Variants in ERN1 observed in about 807,000 individuals in gnomAD.
ERN1 encodes the protein serine/threonine-protein kinase/endoribonuclease IRE1.
A neutral mutation model predicts 113.1 loss-of-function variants in ERN1; 39 were observed. The ratio of observed to expected loss-of-function variants is 0.34; its 90% CI spans 0.27 to 0.45. The LOEUF (loss-of-function observed/expected upper bound fraction) is 0.45, where lower values mean the gene tolerates loss of function less well. Ranked by LOEUF, ERN1 falls within the 20% of genes least tolerant of loss-of-function variation. The probability of loss-of-function intolerance (pLI) is 1.00; values close to 1 mark genes in which losing one functional copy is unlikely to be tolerated. For missense variants in ERN1, 976 were observed against 1,274.8 expected (o/e 0.77, Z 3.57); for synonymous variants, 507 against 515.9 (o/e 0.98, Z 0.23).
intron 1 of ERN1, among the ~76,000 whole-genome samples, chr17:64,117,698 G>A (rs1914846745): frequency 6.6e-6 from 1 of 152,086 alleles, no homozygotes; most frequent in African/African-American, 2.4e-5. Context: ...AGTGGTCAGG[G>A]AAGGCCCTAG....
chr17:64,097,969 G>A (rs1914274274), intron 2 of ERN1, 152 bp downstream of exon 2: 1 of 966,344 alleles, frequency 1.0e-6, no homozygotes. Context: ...CGTCCTTTGA[G>A]CAGAATGCCT....
rs201095170 is a variant in ERN1 at position 64,053,303 on chromosome 17, C to G, written c.2022G>C (p.Ser674=). 11 of 1,611,282 alleles carry G rather than the reference C, an allele frequency of 6.8e-6. No homozygotes were observed. The highest frequency in any genetic ancestry group is 6.8e-6 in the Non-Finnish European group (8 of 1,179,168). Residue 674 remains serine (S), a synonymous_variant, in exon 16 of 22, where the codon TCG becomes TCC. Coordinates refer to ENST00000433197, the MANE Select transcript of ERN1 (RefSeq NM_001433.5). ...EPITLLQQTT[S]GLAHLHSLNI... ...TGAGGGAGTGGAGGTGGGCCAGGCC[C>G]GAGGTGGTCTGCTGCAGCAAGGTGA...
chr17:64,063,661 G>C lies in ERN1; in HGVS notation c.1087+325C>G, dbSNP rs531466511. ...TTAACTATAAAATGGAAATGACAAG[G>C]GTACCTACCTCACACAGGGTTGCTG... is the stretch of plus-strand genomic sequence containing the variant. On this transcript the variant is annotated intron_variant, in intron 10 of 21. Transcript: ENST00000433197. This position sits in a 1 kb window ranked among gnomAD's most constrained non-coding sequence, Gnocchi z 5.1. Among the ~76,000 whole-genome samples, 1 of 152,228 alleles carries C rather than the reference G, an allele frequency of 6.6e-6. No individual in the cohort carries two copies. The highest frequency in any genetic ancestry group is 2.1e-4 in the South Asian group (1 of 4,814).
chr17:64,095,955 T>G (rs73992924), intron 2 of ERN1, among the ~76,000 whole-genome samples: 7,770 of 152,228 alleles, frequency 0.051, 624 homozygotes, highest in African/African-American at 0.18. Context: ...CACAGCACAT[T>G]ACTAGTCCCT....
chr17:64,053,137 C>G (rs1912741131), intron 16 of ERN1, 135 bp downstream of exon 16: 3 of 911,678 alleles, frequency 3.3e-6, no homozygotes, highest in Non-Finnish European at 4.9e-6. Context: ...ATTCTTACAC[C>G]ACTCATCTTT....
chr17:64,042,259 G>A lies in ERN1; in HGVS notation c.*1729C>T, dbSNP rs1912364362. On this transcript the variant is annotated 3_prime_UTR_variant, in exon 22 of 22. Coordinates refer to ENST00000433197, the MANE Select transcript of ERN1 (RefSeq NM_001433.5). ...AGAAGACGCCAAGGACACCGACCAAGGGCCAAGGTTCCAAGGCCTAAGTGA... is the reference window on the plus strand; with the variant it reads ...AGAAGACGCCAAGGACACCGACCAAAGGCCAAGGTTCCAAGGCCTAAGTGA... The A allele has an allele frequency of 6.6e-6, 1 of 152,188 alleles. No homozygotes were observed. The highest frequency in any genetic ancestry group is 2.1e-4 in the South Asian group (1 of 4,834). 9.4% of individuals were successfully genotyped at this position (152,188 alleles called of 1,614,324 possible). A position where few individuals can be genotyped will look rare whatever the true frequency, so the allele number is the denominator to read the frequency against.
intron 1 of ERN1, among the ~76,000 whole-genome samples, chr17:64,101,265 C>T (rs1054051910): frequency 3.3e-5 from 5 of 151,996 alleles, no homozygotes; most frequent in South Asian, 2.1e-4. Flanking sequence ...AAAAATTAGC[C>T]GGGCGTGGTG....
At chr17:64,110,155 T>TA (rs1331298398) in intron 1 of ERN1, among the ~76,000 whole-genome samples, 1 of 152,114 alleles carries the variant, frequency 6.6e-6, no homozygotes, top group Non-Finnish European at 1.5e-5. Flanking sequence ...TTAACCACCA[T>TA]AAAAAAATTC....
chr17:64,062,842 C>T (rs1173891361), intron 10 of ERN1, among the ~76,000 whole-genome samples: 1 of 152,058 alleles, frequency 6.6e-6, no homozygotes, highest in Non-Finnish European at 1.5e-5. Context: ...CTCCTTTACC[C>T]GTTATTTGGT....
chr17:64,050,507 G>A (rs1912649669), intron 17 of ERN1, among the ~76,000 whole-genome samples: 1 of 152,214 alleles, frequency 6.6e-6, no homozygotes, highest in African/African-American at 2.4e-5. Flanking sequence ...ATAAAGGAAA[G>A]GGAATGGTTA....
chr17:64,055,401 C>A, intron 13 of ERN1, among the ~76,000 whole-genome samples: 1 of 152,332 alleles, frequency 6.6e-6, no homozygotes, highest in South Asian at 2.1e-4. Context: ...TCTCTTCAGC[C>A]CAATGGGCAG....
chr17:64,061,312 G>A (rs196937), intron 10 of ERN1, among the ~76,000 whole-genome samples: 136,522 of 152,218 alleles, frequency 0.9, 63,124 homozygotes, highest in East Asian at 1. Flanking sequence ...TCCACATACT[G>A]CCCCAAAGAG....
chr17:64,096,490 T>C (rs1277791769), intron 2 of ERN1, among the ~76,000 whole-genome samples: 3 of 152,186 alleles, frequency 2.0e-5, no homozygotes, highest in African/African-American at 4.8e-5. Context: ...CATTACAATG[T>C]AGTAATAATT....
chr17:64,112,556 GGTT>G (rs1002772169), intron 1 of ERN1, among the ~76,000 whole-genome samples: 2 of 152,116 alleles, frequency 1.3e-5, no homozygotes, highest in African/African-American at 4.8e-5. Context: ...AGTATAATGT[GGTT>G]GTTAAAAAGG....
At chr17:64,052,065 T>C (rs1912700763) in intron 17 of ERN1, among the ~76,000 whole-genome samples, 1 of 152,206 alleles carries the variant, frequency 6.6e-6, no homozygotes, top group Admixed American at 6.5e-5. Flanking sequence ...TACACAGGTA[T>C]TCATGTTAAC....
At chr17:64,045,771 C>G in intron 19 of ERN1, among the ~76,000 whole-genome samples, 1 of 152,204 alleles carries the variant, frequency 6.6e-6, no homozygotes, top group Non-Finnish European at 1.5e-5. Flanking sequence ...CACACACACG[C>G]CATGTGTACG....
chr17:64,047,344 G>A (rs1172289784), intron 19 of ERN1, among the ~76,000 whole-genome samples: 3 of 152,110 alleles, frequency 2.0e-5, no homozygotes, highest in South Asian at 2.1e-4. Flanking sequence ...CCTGGGTAAC[G>A]GAGTGAAACG....
chr17:64,108,427 A>C, intron 1 of ERN1, among the ~76,000 whole-genome samples: 1 of 152,198 alleles, frequency 6.6e-6, no homozygotes, highest in Non-Finnish European at 1.5e-5. Flanking sequence ...GAATGGTGCT[A>C]CATGAAATCG....
intron 1 of ERN1, among the ~76,000 whole-genome samples, chr17:64,120,911 A>G (rs1914938391): frequency 6.6e-6 from 1 of 152,224 alleles, no homozygotes; most frequent in South Asian, 2.1e-4. Flanking sequence ...GGTCTTAATG[A>G]GTCTCAAAGA....
Sources: allele counts gnomAD v4.1 joint callset (sites outside exome capture counted in the v4.1 genomes callset), GRCh38; gene constraint gnomAD v4.1.1; non-coding constraint Gnocchi (gnomAD v3.1); transcripts MANE v1.5; gene names NCBI Gene and HGNC (gene_info 2026-07-23, HGNC 2026-07-21).